Variants in LRBA observed in about 807,000 individuals in gnomAD.
LRBA encodes the protein lipopolysaccharide-responsive and beige-like anchor protein.
A neutral mutation model predicts 330.0 loss-of-function variants in LRBA; 176 were observed. The ratio of observed to expected loss-of-function variants is 0.53; its 90% confidence interval spans 0.47 to 0.60. The LOEUF (loss-of-function observed/expected upper bound fraction) is 0.60, where lower values mean the gene tolerates loss of function less well. Among genes scored for constraint, LRBA ranks in the 20% least tolerant of loss-of-function variants. LRBA has a pLI of 0.00. For missense variants in LRBA, 3,259 were observed against 3,444.8 expected (o/e 0.95, Z 1.35); for synonymous variants, 1,230 against 1,193.0 (o/e 1.03, Z -0.64).
At chr4:150,808,593 T>C (rs1021699718) in intron 31 of LRBA, among the ~76,000 whole-genome samples, 195 bp from the exon 32 acceptor site, 1 of 152,202 alleles carries the variant, frequency 6.6e-6, no homozygotes, top group Non-Finnish European at 1.5e-5. Flanking sequence ...CAAGCTCAAT[T>C]ATCATGCCAG....
At chr4:150,435,324 CT>C (rs1750970931) in intron 46 of LRBA, among the ~76,000 whole-genome samples, 3 of 152,074 alleles carry the variant, frequency 2.0e-5, no homozygotes, top group Non-Finnish European at 4.4e-5. Context: ...GCACTCCAGC[CT>C]GAAGGACAGA....
At chr4:150,850,576 G>A in intron 24 of LRBA, 148 bp downstream of exon 24, 1 of 450,512 alleles carries the variant, frequency 2.2e-6, no homozygotes, top group East Asian at 3.5e-5. Context: ...GAGAATAAAA[G>A]TGAATTCAGT....
intron 2 of LRBA, among the ~76,000 whole-genome samples, chr4:150,950,540 TG>T (rs1736715837): frequency 6.6e-6 from 1 of 150,514 alleles, no homozygotes; most frequent in African/African-American, 2.4e-5. Flanking sequence ...TTAGGGTACA[TG>T]AAAGAAAGAT....
At chr4:150,816,913 T>C (rs1744679354) in intron 31 of LRBA, among the ~76,000 whole-genome samples, 1 of 151,984 alleles carries the variant, frequency 6.6e-6, no homozygotes, top group Non-Finnish European at 1.5e-5. Flanking sequence ...TACCACACAC[T>C]ACTAGGTTTG....
chr4:150,967,690 T>C (rs1356154897), intron 2 of LRBA, among the ~76,000 whole-genome samples: 1 of 152,238 alleles, frequency 6.6e-6, no homozygotes, highest in Admixed American at 6.5e-5. Context: ...TTTGTGTTTC[T>C]GTGTCACATT....
intron 43 of LRBA, among the ~76,000 whole-genome samples, chr4:150,470,694 C>G (rs74788583): frequency 2.0e-5 from 3 of 152,110 alleles, no homozygotes; most frequent in South Asian, 2.1e-4. Flanking sequence ...AGGCCAGAAG[C>G]CTGGAAGTCT....
At chr4:150,699,392 A>G (rs1183248516) in intron 36 of LRBA, among the ~76,000 whole-genome samples, 2 of 152,166 alleles carry the variant, frequency 1.3e-5, no homozygotes, top group Non-Finnish European at 1.5e-5. Context: ...GGAGAGGTCT[A>G]TGTCCACGCT....
At chr4:150,411,955 C>G (rs1055606426) in intron 47 of LRBA, among the ~76,000 whole-genome samples, 5 of 152,048 alleles carry the variant, frequency 3.3e-5, no homozygotes, top group African/African-American at 1.2e-4. Context: ...ACAATACTAA[C>G]AATTTAGTCA....
chr4:150,731,557 C>A (rs1297861140), intron 36 of LRBA, among the ~76,000 whole-genome samples: 1 of 152,116 alleles, frequency 6.6e-6, no homozygotes, highest in Non-Finnish European at 1.5e-5. Flanking sequence ...AGACAAACAT[C>A]GCATGTTCTC....
chr4:150,534,400 T>C (rs1764410535), intron 40 of LRBA, among the ~76,000 whole-genome samples: 1 of 150,310 alleles, frequency 6.7e-6, no homozygotes, highest in African/African-American at 2.4e-5. Context: ...AAACACTTTT[T>C]AGTACATCAT....
At chr4:150,597,462 CCTAT>C (rs988332232) in intron 38 of LRBA, among the ~76,000 whole-genome samples, 21 of 151,810 alleles carry the variant, frequency 1.4e-4, no homozygotes, top group African/African-American at 3.9e-4. Context: ...AGATTAACAG[CCTAT>C]CTATGTGCAA....
At chr4:150,329,528 T>C (rs923449238) in intron 48 of LRBA, among the ~76,000 whole-genome samples, 1 of 152,172 alleles carries the variant, frequency 6.6e-6, no homozygotes, top group African/African-American at 2.4e-5. Flanking sequence ...TGCTGACTTG[T>C]CATCCATAAA....
intron 20 of LRBA, among the ~76,000 whole-genome samples, chr4:150,868,622 T>C (rs140808964): frequency 3.9e-5 from 6 of 152,256 alleles, no homozygotes; most frequent in African/African-American, 7.2e-5. Context: ...CTCTGAGATA[T>C]ACCAAATAGT....
At chr4:150,916,371 A>G in intron 7 of LRBA, 30 bp downstream of exon 7, 1 of 1,604,066 alleles carries the variant, frequency 6.2e-7, no homozygotes, top group Non-Finnish European at 8.5e-7. Flanking sequence ...TAGCTTGTTA[A>G]CATAACTATG....
intron 47 of LRBA, among the ~76,000 whole-genome samples, chr4:150,375,921 C>T (rs113642663): frequency 0.01 from 1,536 of 152,188 alleles, 19 homozygotes; most frequent in African/African-American, 0.035. Context: ...CCTCTATCTT[C>T]GACCATCACT....
intron 44 of LRBA, among the ~76,000 whole-genome samples, chr4:150,455,112 C>T (rs553098323): frequency 1.5e-4 from 23 of 150,730 alleles, no homozygotes; most frequent in African/African-American, 5.4e-4. Flanking sequence ...TCTCCCAATG[C>T]TATCCCCTCC....
At chr4:150,720,486 T>A (rs1240542952) in intron 36 of LRBA, among the ~76,000 whole-genome samples, 1 of 151,700 alleles carries the variant, frequency 6.6e-6, no homozygotes, top group Non-Finnish European at 1.5e-5. Context: ...AATAAATAAA[T>A]TACAAATAAA....
intron 35 of LRBA, among the ~76,000 whole-genome samples, chr4:150,736,826 T>C (rs769387667): frequency 6.6e-6 from 1 of 152,150 alleles, no homozygotes. Flanking sequence ...AAATTCTTAA[T>C]AGCAGACAGC....
intron 22 of LRBA, among the ~76,000 whole-genome samples, chr4:150,854,323 G>A (rs994310401): frequency 2.0e-5 from 3 of 152,068 alleles, no homozygotes; most frequent in Non-Finnish European, 4.4e-5. Flanking sequence ...TCACTAAACA[G>A]TAAAATGACA....
Sources: gnomAD v4.1 joint callset for allele counts (sites outside exome capture counted in the v4.1 genomes callset) on GRCh38, gnomAD v4.1.1 for gene constraint, MANE v1.5 for transcripts, NCBI Gene and HGNC (gene_info 2026-07-23, HGNC 2026-07-21) for gene names.